The following ERC1 variants were observed in gnomAD, a reference collection of about 807,000 sequenced individuals.
ERC1 encodes the protein ELKS/RAB6-interacting/CAST family member 1.
In ERC1, 56 loss-of-function variants were observed where a neutral mutation model predicts 132.0. The observed-to-expected ratio is 0.42, with a 90% CI of 0.34 to 0.53. The LOEUF is 0.53. Among genes scored for constraint, ERC1 ranks in the 20% least tolerant of loss-of-function variants. The pLI, the probability that ERC1 is intolerant of heterozygous loss-of-function variation, is 0.03. For missense variants in ERC1, 1,202 were observed against 1,349.9 expected (o/e 0.89, Z 1.72); for synonymous variants, 478 against 476.1 (o/e 1.00, Z -0.05).
intron 2 of ERC1, among the ~76,000 whole-genome samples, chr12:1,038,576 G>C (rs376954515): frequency 6.6e-6 from 1 of 152,112 alleles, no homozygotes; most frequent in African/African-American, 2.4e-5. Flanking sequence ...GGCCAGACTG[G>C]TCTTGAATTC....
At chr12:1,077,010 CT>C (rs1941460440) in intron 2 of ERC1, among the ~76,000 whole-genome samples, 1 of 152,128 alleles carries the variant, frequency 6.6e-6, no homozygotes, top group African/African-American at 2.4e-5. Context: ...ACTTGGTTGA[CT>C]TAAGAATTCT....
At chr12:1,205,014 T>A (rs1244437886) in intron 12 of ERC1, among the ~76,000 whole-genome samples, 1 of 152,178 alleles carries the variant, frequency 6.6e-6, no homozygotes, top group South Asian at 2.1e-4. Flanking sequence ...GTAGAACTAG[T>A]GATAACAAAA....
intron 13 of ERC1, among the ~76,000 whole-genome samples, chr12:1,238,476 TAAC>T (rs1312717825): frequency 1.3e-5 from 2 of 152,192 alleles, no homozygotes; most frequent in Non-Finnish European, 2.9e-5. Flanking sequence ...TCTTTATTGC[TAAC>T]AACTTCACAA....
intron 1 of ERC1, among the ~76,000 whole-genome samples, chr12:1,014,536 TGTAA>T (rs1350640867): frequency 6.6e-6 from 1 of 152,172 alleles, no homozygotes; most frequent in Non-Finnish European, 1.5e-5. Context: ...AAGAAAAGTA[TGTAA>T]GTAAGGAAAA....
intron 11 of ERC1, among the ~76,000 whole-genome samples, chr12:1,188,686 G>A (rs1955389063): frequency 6.6e-6 from 1 of 152,086 alleles, no homozygotes; most frequent in Non-Finnish European, 1.5e-5. Flanking sequence ...AAGTATAGCT[G>A]TTACTTTCAC....
chr12:1,478,133 T>C (rs1592294416), intron 18 of ERC1, among the ~76,000 whole-genome samples: 1 of 152,232 alleles, frequency 6.6e-6, no homozygotes, highest in East Asian at 1.9e-4. Context: ...CAGATGTTTT[T>C]CTAAAGTGGT....
intron 1 of ERC1, among the ~76,000 whole-genome samples, chr12:995,856 A>G (rs900503140): frequency 6.6e-6 from 1 of 152,164 alleles, no homozygotes; most frequent in Non-Finnish European, 1.5e-5. Flanking sequence ...ATAAGAAATC[A>G]TTGAGTTAGG....
chr12:1,213,084 G>T (rs759857045), intron 12 of ERC1, among the ~76,000 whole-genome samples: 49 of 152,062 alleles, frequency 3.2e-4, no homozygotes, highest in Non-Finnish European at 7.4e-5. Context: ...CCTTTGTGAG[G>T]TTAGTCTTCT....
At chr12:1,386,213 A>G (rs1170766313) in intron 16 of ERC1, among the ~76,000 whole-genome samples, 1 of 151,112 alleles carries the variant, frequency 6.6e-6, no homozygotes, top group Non-Finnish European at 1.5e-5. Context: ...CTATTTTTGT[A>G]TTTTTAGTAG....
intron 17 of ERC1, among the ~76,000 whole-genome samples, chr12:1,438,954 A>AAAAAAAAAAATATATATATATATAT (rs1015181197): frequency 4.2e-5 from 6 of 143,572 alleles, no homozygotes; most frequent in African/African-American, 1.6e-4. Context: ...TTTAAAAAAA[A>AAAAAAAAAAATATATATATATATAT]ATATATATAT....
intron 2 of ERC1, among the ~76,000 whole-genome samples, chr12:1,056,084 TAAAA>T (rs60332254): frequency 2.1e-4 from 31 of 145,358 alleles, no homozygotes; most frequent in Admixed American, 6.8e-4. Context: ...TTTTTTTTTT[TAAAA>T]AAAAGGTGAA....
chr12:1,000,220 C>G (rs1361245054), intron 1 of ERC1, among the ~76,000 whole-genome samples: 1 of 152,124 alleles, frequency 6.6e-6, no homozygotes, highest in African/African-American at 2.4e-5. Flanking sequence ...CACAGTGGCT[C>G]ACGCCTGTAA....
chr12:1,467,602 CAG>C (rs775521586), intron 18 of ERC1, among the ~76,000 whole-genome samples: 20 of 152,282 alleles, frequency 1.3e-4, no homozygotes, highest in African/African-American at 3.1e-4. Context: ...TTTCCACAGA[CAG>C]GGGAGTGGCA....
intron 14 of ERC1, among the ~76,000 whole-genome samples, chr12:1,282,971 G>A (rs145787635): frequency 2.6e-5 from 4 of 152,212 alleles, no homozygotes; most frequent in South Asian, 2.1e-4. Flanking sequence ...TACGCATCTT[G>A]GAAACTACAA....
At chr12:1,328,304 G>A (rs1011245223) in intron 15 of ERC1, among the ~76,000 whole-genome samples, 1 of 151,996 alleles carries the variant, frequency 6.6e-6, no homozygotes, top group Non-Finnish European at 1.5e-5. Context: ...ATGCCATGAT[G>A]TCCAGCTTAA....
At chr12:1,220,818 C>T (rs894629722) in intron 12 of ERC1, among the ~76,000 whole-genome samples, 14 of 152,212 alleles carry the variant, frequency 9.2e-5, no homozygotes, top group African/African-American at 2.9e-4. Flanking sequence ...AGGCGGTGGC[C>T]CTCATTACCT....
chr12:1,012,965 A>G (rs74367032), intron 1 of ERC1, among the ~76,000 whole-genome samples: 5,257 of 152,262 alleles, frequency 0.035, 96 homozygotes, highest in Middle Eastern at 0.061. Flanking sequence ...CATATTAGTT[A>G]TAAATTTTTG....
intron 13 of ERC1, among the ~76,000 whole-genome samples, chr12:1,241,665 G>A (rs2075798597): frequency 6.6e-6 from 1 of 151,922 alleles, no homozygotes; most frequent in Admixed American, 6.6e-5. Context: ...ACAAAACATA[G>A]ATTTAAAGTA....
At chr12:1,104,502 G>A (rs1025528070) in intron 3 of ERC1, among the ~76,000 whole-genome samples, 2 of 152,258 alleles carry the variant, frequency 1.3e-5, no homozygotes, top group African/African-American at 2.4e-5. Context: ...ATGGTAGCTC[G>A]TGTCTGTGTG....
Sources: gnomAD v4.1 joint callset for allele counts (sites outside exome capture counted in the v4.1 genomes callset) on GRCh38, gnomAD v4.1.1 for gene constraint, MANE v1.5 for transcripts, NCBI Gene and HGNC (gene_info 2026-07-23, HGNC 2026-07-21) for gene names.